Variants in PARD3B observed in about 807,000 individuals in gnomAD.
The protein encoded by PARD3B is partitioning defective 3 homolog B.
A neutral mutation model predicts 130.2 loss-of-function variants in PARD3B; 103 were observed. The observed-to-expected ratio is 0.79, with a 90% CI of 0.67 to 0.93. The LOEUF is 0.93. Among genes scored for constraint, PARD3B ranks in the 40% least tolerant of loss-of-function variants. The pLI is 0.00. For missense variants in PARD3B, 1,609 were observed against 1,499.2 expected (o/e 1.07, Z -1.21); for synonymous variants, 583 against 553.2 (o/e 1.05, Z -0.76).
chr2:205,323,912 A>G (rs2042845988), intron 18 of PARD3B, among the ~76,000 whole-genome samples: 1 of 152,126 alleles, frequency 6.6e-6, no homozygotes, highest in Admixed American at 6.5e-5. Context: ...GCCCTCCCCA[A>G]CATAAGAATT....
At chr2:205,349,635 A>C (rs61369520) in intron 18 of PARD3B, among the ~76,000 whole-genome samples, 1,610 of 152,242 alleles carry the variant, frequency 0.011, 22 homozygotes, top group African/African-American at 0.037. Flanking sequence ...AGCATTTTCC[A>C]GAGATAAAAA....
intron 21 of PARD3B, among the ~76,000 whole-genome samples, chr2:205,513,855 G>A (rs969283927): frequency 2.6e-5 from 4 of 151,978 alleles, no homozygotes; most frequent in East Asian, 3.9e-4. Flanking sequence ...ATTGATAAGC[G>A]AATGCATAGG....
chr2:205,134,992 A>G (rs1416984567), intron 10 of PARD3B, among the ~76,000 whole-genome samples: 3 of 151,548 alleles, frequency 2.0e-5, no homozygotes, highest in African/African-American at 7.3e-5. Flanking sequence ...GTTGTCTTGC[A>G]AAGTTAACAG....
intron 21 of PARD3B, among the ~76,000 whole-genome samples, chr2:205,518,496 T>G (rs1452267722): frequency 2.0e-5 from 3 of 152,086 alleles, no homozygotes; most frequent in African/African-American, 4.8e-5. Flanking sequence ...ATGGGTCTCT[T>G]GAAGACAGCT....
intron 20 of PARD3B, chr2:205,482,848 A>G (rs2049296015): frequency 6.6e-6 from 1 of 152,206 alleles, no homozygotes; most frequent in Non-Finnish European, 1.5e-5. Context: ...GAAACAATCT[A>G]TTTCTCCACT....
chr2:204,605,922 C>T (rs1231475987), intron 1 of PARD3B, among the ~76,000 whole-genome samples: 1 of 152,108 alleles, frequency 6.6e-6, no homozygotes, highest in African/African-American at 2.4e-5. Context: ...TCTTGTAATC[C>T]ATGCTGCCTC....
chr2:205,243,387 A>G (rs914806318), intron 15 of PARD3B, among the ~76,000 whole-genome samples: 5 of 152,244 alleles, frequency 3.3e-5, no homozygotes, highest in African/African-American at 9.6e-5. Context: ...GGTAAGCAAT[A>G]TCCTCTTATG....
At chr2:205,278,822 C>A (rs888681156) in intron 16 of PARD3B, among the ~76,000 whole-genome samples, 2 of 152,020 alleles carry the variant, frequency 1.3e-5, no homozygotes, top group African/African-American at 4.8e-5. Flanking sequence ...GTAATCCCAG[C>A]ACTTTGGGAG....
intron 2 of PARD3B, among the ~76,000 whole-genome samples, chr2:204,937,343 G>A (rs1177558176): frequency 3.3e-5 from 5 of 152,170 alleles, no homozygotes; most frequent in African/African-American, 9.7e-5. Flanking sequence ...TTGGTCTGGG[G>A]ATCCTTGACT....
At chr2:204,843,368 CAGTT>C (rs750560012) in intron 2 of PARD3B, among the ~76,000 whole-genome samples, 3 of 151,984 alleles carry the variant, frequency 2.0e-5, no homozygotes, top group East Asian at 1.9e-4. Context: ...TCACAGAACT[CAGTT>C]AGTTTGTTTC....
Position 205,128,386 on chromosome 2 carries a change from A to G in PARD3B, c.1434+2649A>G, listed in dbSNP as rs1171322043. On this transcript the variant is annotated intron_variant, in intron 10 of 22. Coordinates refer to ENST00000406610, the MANE Select transcript of PARD3B (RefSeq NM_001302769.2). This position sits in a 1 kb window ranked among gnomAD's most constrained non-coding sequence, Gnocchi z 4.5. ...CCCCTCCACCAGGTAAGGGATGCTGATTTATCCCAGTTTGAAGCTCTGAAT... is the reference window on the plus strand; with the variant it reads ...CCCCTCCACCAGGTAAGGGATGCTGGTTTATCCCAGTTTGAAGCTCTGAAT... 6.6e-6 allele frequency among the ~76,000 whole-genome samples: 1 copy of G among 152,196 alleles called. No homozygotes were observed. Among genetic ancestry groups the G allele is most frequent in the East Asian group, 1.9e-4 (1 of 5,194 alleles).
In PARD3B at chr2:205,325,881, TAAAAC is replaced by T. The variant is rs1435671858; in HGVS notation, c.2630+24183_2630+24187del. Reference sequence around the variant, plus strand: ...AAATTGAAAAACAAATAAAAATAAATAAAACAATTGTGAGAGCAAATAAACACAAA... The same window carrying T: ...AAATTGAAAAACAAATAAAAATAAATAATTGTGAGAGCAAATAAACACAAA... On this transcript the variant is annotated intron_variant, in intron 18 of 22. Coordinates refer to ENST00000406610, the MANE Select transcript of PARD3B (RefSeq NM_001302769.2). This position sits in a 1 kb window ranked among gnomAD's most constrained non-coding sequence, Gnocchi z 4.1. Among the ~76,000 whole-genome samples the T allele has an allele frequency of 1.3e-5, 2 of 152,032 alleles. No homozygotes were observed. The highest frequency in any genetic ancestry group is 2.9e-5 in the Non-Finnish European group (2 of 68,006).
intron 21 of PARD3B, among the ~76,000 whole-genome samples, chr2:205,519,415 C>T (rs575515282): frequency 6.6e-6 from 1 of 152,302 alleles, no homozygotes; most frequent in South Asian, 2.1e-4. Context: ...TTGTGTTATT[C>T]AGCTCTGTCA....
At chr2:204,946,728 C>G (rs1038084263) in intron 2 of PARD3B, among the ~76,000 whole-genome samples, 1 of 152,052 alleles carries the variant, frequency 6.6e-6, no homozygotes, top group Admixed American at 6.5e-5. Flanking sequence ...TGGAGAAGAC[C>G]TAAGATCTGT....
At chr2:204,546,251 C>G in intron 1 of PARD3B, 132 bp downstream of exon 1, 1 of 1,304,442 alleles carries the variant, frequency 7.7e-7, no homozygotes, top group Non-Finnish European at 1.1e-6. Flanking sequence ...CAGCTGTTGT[C>G]TATTGCTAAT....
chr2:204,673,232 G>T lies in PARD3B; in HGVS notation c.121-12949G>T, dbSNP rs2036389171. Among the ~76,000 whole-genome samples the T allele has an allele frequency of 6.6e-6, 1 of 152,172 alleles. No individual in the cohort carries two copies. The highest frequency in any genetic ancestry group is 6.5e-5 in the Admixed American group (1 of 15,272). On this transcript the variant is annotated intron_variant, in intron 1 of 22. Coordinates refer to ENST00000406610, the MANE Select transcript of PARD3B (RefSeq NM_001302769.2). The surrounding 1 kb of genome is among the most constrained non-coding windows in gnomAD (Gnocchi z 4.7). ...GCAGTTTGGAAAAACCATCTGAGAT[G>T]CAAATAACATGTAAGTCCCTTCTTC...
intron 22 of PARD3B, among the ~76,000 whole-genome samples, chr2:205,601,837 C>T (rs1182864578): frequency 6.6e-6 from 1 of 151,762 alleles, no homozygotes; most frequent in Non-Finnish European, 1.5e-5. Flanking sequence ...GACAGTCTGA[C>T]TTCCTTTCTC....
At chr2:204,668,496 C>T (rs1196005693) in intron 1 of PARD3B, among the ~76,000 whole-genome samples, 1 of 152,190 alleles carries the variant, frequency 6.6e-6, no homozygotes, top group Admixed American at 6.5e-5. Flanking sequence ...TCAACGTTTC[C>T]TGAAGATTGG....
chr2:205,258,276 C>T lies in PARD3B; in HGVS notation c.2185+12454C>T, dbSNP rs115247273. Reference sequence around the variant, plus strand: ...CCACCCTTTCCCGAGCCACCGTCACCTGGAGAGCTTCAGTGAGGAAAACTC... The same window carrying T: ...CCACCCTTTCCCGAGCCACCGTCACTTGGAGAGCTTCAGTGAGGAAAACTC... On this transcript the variant is annotated intron_variant, in intron 16 of 22. Transcript: ENST00000406610. This position sits in a 1 kb window ranked among gnomAD's most constrained non-coding sequence, Gnocchi z 4.9. 3.6e-3 allele frequency among the ~76,000 whole-genome samples: 544 copies of T among 152,300 alleles called. 3 individuals carry two copies. The highest frequency in any genetic ancestry group is 0.013 in the African/African-American group (521 of 41,548).
Sources: allele counts gnomAD v4.1 joint callset (sites outside exome capture counted in the v4.1 genomes callset), GRCh38; gene constraint gnomAD v4.1.1; non-coding constraint Gnocchi (gnomAD v3.1); transcripts MANE v1.5; gene names NCBI Gene and HGNC (gene_info 2026-07-23, HGNC 2026-07-21).